Variants in FAM184B observed in about 807,000 individuals in gnomAD.
FAM184B encodes protein FAM184B.
In FAM184B, 111 loss-of-function variants were observed where a neutral mutation model predicts 135.9. The ratio of observed to expected loss-of-function variants is 0.82; its 90% CI spans 0.70 to 0.96. The LOEUF (loss-of-function observed/expected upper bound fraction) is 0.96, where lower values mean the gene tolerates loss of function less well. Among genes scored for constraint, FAM184B ranks in the 40% least tolerant of loss-of-function variants. FAM184B has a pLI of 0.00. For synonymous variants in FAM184B, 552 were observed against 524.8 expected, an observed-to-expected ratio of 1.05 and a Z score of -0.71; for missense variants, 1,375 against 1,323.9, an observed-to-expected ratio of 1.04 and a Z score of -0.60.
chr4:17,646,687 A>T (rs931604614), intron 12 of FAM184B, among the ~76,000 whole-genome samples: 1 of 152,190 alleles, frequency 6.6e-6, no homozygotes, highest in Non-Finnish European at 1.5e-5. Flanking sequence ...TATGTAACAA[A>T]CCTGCACATT....
intron 7 of FAM184B, among the ~76,000 whole-genome samples, chr4:17,672,849 T>C (rs1475093883): frequency 6.6e-6 from 1 of 152,168 alleles, no homozygotes; most frequent in Non-Finnish European, 1.5e-5. Context: ...TCTTTTTTTG[T>C]TATGTCCTTT....
chr4:17,641,239 G>A (rs1715301370), intron 13 of FAM184B, among the ~76,000 whole-genome samples: 1 of 151,750 alleles, frequency 6.6e-6, no homozygotes, highest in Non-Finnish European at 1.5e-5. Flanking sequence ...AGCCGAGGCT[G>A]GAGTCTTATC....
intron 11 of FAM184B, among the ~76,000 whole-genome samples, chr4:17,652,146 T>TTTCG (rs762642185): frequency 1.5e-5 from 2 of 131,934 alleles, no homozygotes; most frequent in African/African-American, 2.8e-5. Context: ...TTTTTTTTTT[T>TTTCG]TTGAGTCTTG....
rs1480420838 is a variant in FAM184B at position 17,717,636 on chromosome 4, GGTTGAC to G, written c.142-7998_142-7993del. Among the ~76,000 whole-genome samples the G allele has an allele frequency of 7.9e-5, 12 of 152,264 alleles. 1 individual carries two copies. The East Asian group carries it at 2.3e-3, about 29-fold the overall frequency. ...GAGTTTTAGAAATCCACTGCTGATG[GGTTGAC>G]GTCAGAGGAGATTTCAGCAGAGGCC... On this transcript the variant is annotated intron_variant, in intron 1 of 17. Transcript: ENST00000265018.
intron 1 of FAM184B, among the ~76,000 whole-genome samples, chr4:17,767,043 G>T (rs1419340028): frequency 1.3e-5 from 2 of 152,150 alleles, no homozygotes; most frequent in Admixed American, 1.3e-4. Context: ...TGCAGCTGCT[G>T]GCCCGGGTGT....
chr4:17,698,420 A>G (rs1009356290), intron 5 of FAM184B, among the ~76,000 whole-genome samples: 3 of 151,984 alleles, frequency 2.0e-5, no homozygotes, highest in Non-Finnish European at 4.4e-5. Flanking sequence ...CTGTAAGGGA[A>G]CAACTGAGCA....
At chr4:17,768,500 C>T (rs756704539) in intron 1 of FAM184B, among the ~76,000 whole-genome samples, 1 of 152,202 alleles carries the variant, frequency 6.6e-6, no homozygotes, top group Non-Finnish European at 1.5e-5. Flanking sequence ...TGGTCTTGAA[C>T]TCTTAACCTC....
At chr4:17,701,507 C>T (rs1716984945) in intron 5 of FAM184B, among the ~76,000 whole-genome samples, 1 of 152,214 alleles carries the variant, frequency 6.6e-6, no homozygotes, top group African/African-American at 2.4e-5. Context: ...GATCTAGCCT[C>T]CCTTCCATTT....
At chr4:17,765,740 C>T (rs531909152) in intron 1 of FAM184B, among the ~76,000 whole-genome samples, 19 of 152,314 alleles carry the variant, frequency 1.2e-4, no homozygotes, top group Non-Finnish European at 1.9e-4. Flanking sequence ...CTTGGTCTCA[C>T]TGACTTGAAG....
At chr4:17,636,074 T>A (rs1715124785) in intron 15 of FAM184B, among the ~76,000 whole-genome samples, 1 of 152,192 alleles carries the variant, frequency 6.6e-6, no homozygotes, top group Non-Finnish European at 1.5e-5. Flanking sequence ...CTGTATTAAT[T>A]TTTTAGTGAG....
intron 1 of FAM184B, among the ~76,000 whole-genome samples, chr4:17,768,338 G>A (rs1341088691): frequency 6.6e-6 from 1 of 152,246 alleles, no homozygotes; most frequent in South Asian, 2.1e-4. Flanking sequence ...GCAGTGTTGC[G>A]ATTTCAGCTC....
intron 6 of FAM184B, among the ~76,000 whole-genome samples, 179 bp from the exon 7 acceptor site, chr4:17,688,710 G>A (rs1255316733): frequency 2.6e-5 from 1 of 37,798 alleles, no homozygotes; most frequent in African/African-American, 9.7e-5. Context: ...TTTTTTTTCT[G>A]ATCCAGGGTC....
At chr4:17,667,644 C>G (rs769610953) in intron 7 of FAM184B, among the ~76,000 whole-genome samples, 4 of 152,184 alleles carry the variant, frequency 2.6e-5, no homozygotes, top group Non-Finnish European at 5.9e-5. Context: ...CTTATCTTCC[C>G]CCTGGGGTGG....
Position 17,726,365 on chromosome 4 carries a change from G to T in FAM184B, c.142-16721C>A, listed in dbSNP as rs546266029. Among the ~76,000 whole-genome samples, 362 of 152,086 alleles carry T rather than the reference G, an allele frequency of 2.4e-3. 7 individuals are homozygous for T. Among genetic ancestry groups the T allele is most frequent in the Non-Finnish European group, 6.5e-4 (44 of 67,978 alleles). Reference sequence around the variant, plus strand: ...GTGGGCTCTTAAATGATGTCTTTTTGTTTTCTTTTGTTTTGTTTTTATTGG... The same window carrying T: ...GTGGGCTCTTAAATGATGTCTTTTTTTTTTCTTTTGTTTTGTTTTTATTGG... On this transcript the variant is annotated intron_variant, in intron 1 of 17. Coordinates refer to ENST00000265018, the MANE Select transcript of FAM184B (RefSeq NM_015688.2).
chr4:17,693,258 G>T, intron 6 of FAM184B, 44 bp downstream of exon 6: 1 of 1,456,210 alleles, frequency 6.9e-7, no homozygotes, highest in Non-Finnish European at 9.4e-7. Flanking sequence ...AGCTCCCAGG[G>T]ACCAGAAACA....
At position 17,705,029 on chromosome 4, in the gene FAM184B, C is replaced by A. The variant is rs372092602; in HGVS notation, c.1348G>T (p.Val450Leu). The change falls in exon 5 of 18, where the codon GTG becomes TTG. Residue 450 changes from valine (V) to leucine (L), a missense_variant. Physicochemically the swap from Val to Leu is conservative, Grantham distance 32 (BLOSUM62 1). Coordinates refer to ENST00000265018, the MANE Select transcript of FAM184B (RefSeq NM_015688.2). ...TVEIKSVRSS[V>L]EAERKKLQRE... ...TGCAGTTTCTTTCTTTCAGCCTCCA[C>A]GGACGAGCGAACGGATTTGATTTCC... The A allele has an allele frequency of 9.0e-6, 14 of 1,551,642 alleles. No individual in the cohort carries two copies. Among genetic ancestry groups the A allele is most frequent in the Admixed American group, 2.0e-5 (1 of 50,992 alleles).
At chr4:17,736,101 C>G (rs1013753628) in intron 1 of FAM184B, among the ~76,000 whole-genome samples, 2 of 152,198 alleles carry the variant, frequency 1.3e-5, no homozygotes, top group African/African-American at 2.4e-5. Context: ...TATACCTTCT[C>G]TCATGTGATT....
In FAM184B at chr4:17,639,269, G is replaced by A. The variant is rs756786483; in HGVS notation, c.2647C>T (p.Leu883=). 1 of 1,551,650 alleles carries A rather than the reference G, an allele frequency of 6.4e-7. No homozygotes were observed. The highest frequency in any genetic ancestry group is 2.0e-5 in the Admixed American group (1 of 50,998). Residue 883 remains leucine, a synonymous_variant, in exon 14 of 18, where the codon CTG becomes TTG. Coordinates refer to ENST00000265018, the MANE Select transcript of FAM184B (RefSeq NM_015688.2). The part of the protein sequence containing the change: ...SSAQAQLQAR[L]AALEAELKDS... ...ACTTACTCGGCTTCCAGGGCAGCCAGCCGGGCCTGGAGCTGGGCCTGGGCA... is the reference window on the plus strand; with the variant it reads ...ACTTACTCGGCTTCCAGGGCAGCCAACCGGGCCTGGAGCTGGGCCTGGGCA...
chr4:17,638,404 G>A (rs1210612464), intron 14 of FAM184B, among the ~76,000 whole-genome samples: 2 of 151,678 alleles, frequency 1.3e-5, no homozygotes, highest in African/African-American at 2.4e-5. Context: ...TGTTGCCCAG[G>A]CTGGTCTCGA....
Sources: allele counts gnomAD v4.1 joint callset (sites outside exome capture counted in the v4.1 genomes callset), GRCh38; gene constraint gnomAD v4.1.1; transcripts MANE v1.5; gene names NCBI Gene and HGNC (gene_info 2026-07-23, HGNC 2026-07-21).